Variants in ARID1B observed in about 807,000 individuals in gnomAD.
ARID1B encodes the protein AT-rich interactive domain-containing protein 1B.
A neutral mutation model predicts 212.3 loss-of-function variants in ARID1B; 30 were observed. The ratio of observed to expected loss-of-function variants is 0.14; its 90% confidence interval spans 0.11 to 0.19. The LOEUF (loss-of-function observed/expected upper bound fraction) is 0.19, where lower values mean the gene tolerates loss of function less well. Among genes scored for constraint, ARID1B ranks in the 10% least tolerant of loss-of-function variants. The pLI is 1.00. For missense variants in ARID1B, 2,891 were observed against 3,204.0 expected (o/e 0.90, Z 2.36); for synonymous variants, 1,402 against 1,301.7 (o/e 1.08, Z -1.66).
intron 4 of ARID1B, among the ~76,000 whole-genome samples, chr6:157,029,249 A>G (rs545730969): frequency 6.6e-6 from 1 of 152,240 alleles, no homozygotes; most frequent in Non-Finnish European, 1.5e-5. Flanking sequence ...TGTATCACCA[A>G]CCACACATAT....
chr6:156,808,657 A>G (rs915570931), intron 1 of ARID1B, among the ~76,000 whole-genome samples: 4 of 152,244 alleles, frequency 2.6e-5, no homozygotes, highest in Non-Finnish European at 5.9e-5. Flanking sequence ...TCTATAAAGA[A>G]GTCTTTTTCT....
At chr6:157,086,545 A>T (rs943713652) in intron 5 of ARID1B, among the ~76,000 whole-genome samples, 1 of 152,228 alleles carries the variant, frequency 6.6e-6, no homozygotes, top group Non-Finnish European at 1.5e-5. Context: ...CTAAAAACCT[A>T]AATGAAAACT....
At chr6:157,004,697 G>A (rs1230378091) in intron 4 of ARID1B, among the ~76,000 whole-genome samples, 3 of 152,052 alleles carry the variant, frequency 2.0e-5, no homozygotes, top group Admixed American at 1.3e-4. Flanking sequence ...CACCACTTGC[G>A]CTTCCCTTGA....
chr6:156,945,236 T>C (rs1244046739), intron 4 of ARID1B, among the ~76,000 whole-genome samples: 1 of 55,678 alleles, frequency 1.8e-5, no homozygotes. Context: ...CATCCGGCTT[T>C]TTTTTTTTTT....
chr6:156,897,258 C>CTTATTATTATTATTATTATTATTATTA (rs1181438273), intron 2 of ARID1B, among the ~76,000 whole-genome samples: 26 of 87,136 alleles, frequency 3.0e-4, no homozygotes, highest in Non-Finnish European at 5.5e-4. Flanking sequence ...TCTTCTTCTT[C>CTTATTATTATTATTATTATTATTATTA]TTCTTCTTAT....
intron 7 of ARID1B, among the ~76,000 whole-genome samples, chr6:157,138,200 T>TTTGGTTGGTTGG (rs147835417): frequency 0.067 from 9,988 of 149,032 alleles, 549 homozygotes; most frequent in African/African-American, 0.15. Flanking sequence ...AACCTCCATC[T>TTTGGTTGGTTGG]TTGGTTGGTT....
chr6:156,806,327 G>A (rs976051561), intron 1 of ARID1B, among the ~76,000 whole-genome samples: 3 of 152,178 alleles, frequency 2.0e-5, no homozygotes, highest in Admixed American at 1.3e-4. Context: ...ATGCCTTACC[G>A]TGCCACTGAG....
intron 4 of ARID1B, among the ~76,000 whole-genome samples, chr6:157,021,030 C>G (rs554361733): frequency 6.6e-6 from 1 of 152,122 alleles, no homozygotes; most frequent in African/African-American, 2.4e-5. Flanking sequence ...AATCTCCCGC[C>G]CACCCGTCCC....
intron 4 of ARID1B, among the ~76,000 whole-genome samples, chr6:156,945,309 G>A (rs1285402573): frequency 7.7e-6 from 1 of 130,574 alleles, no homozygotes; most frequent in Non-Finnish European, 1.6e-5. Flanking sequence ...TGGGTAGAGT[G>A]GTGTGTTACA....
At chr6:157,136,074 G>A (rs1788886518) in intron 7 of ARID1B, among the ~76,000 whole-genome samples, 1 of 152,096 alleles carries the variant, frequency 6.6e-6, no homozygotes, top group Non-Finnish European at 1.5e-5. Context: ...ATGTTACTAT[G>A]TCCTGGGTCC....
At chr6:156,893,018 A>G (rs2128190952) in intron 2 of ARID1B, among the ~76,000 whole-genome samples, 1 of 148,238 alleles carries the variant, frequency 6.7e-6, no homozygotes, top group East Asian at 1.9e-4. Flanking sequence ...ACAAAGCTAT[A>G]AAACTCTTTT....
At chr6:157,171,345 C>T (rs1048551819) in intron 9 of ARID1B, among the ~76,000 whole-genome samples, 3 of 152,180 alleles carry the variant, frequency 2.0e-5, no homozygotes, top group African/African-American at 7.2e-5. Context: ...CTGGATTACT[C>T]GTGTCAATAG....
At chr6:157,033,633 G>A (rs1352369592) in intron 4 of ARID1B, among the ~76,000 whole-genome samples, 2 of 152,190 alleles carry the variant, frequency 1.3e-5, no homozygotes, top group Non-Finnish European at 2.9e-5. Flanking sequence ...GTGGAGGTGG[G>A]CCGTAGGGTA....
At chr6:157,064,662 G>A (rs536662423) in intron 4 of ARID1B, among the ~76,000 whole-genome samples, 4 of 152,188 alleles carry the variant, frequency 2.6e-5, no homozygotes, top group South Asian at 4.1e-4. Flanking sequence ...TGCACCTGAC[G>A]AGTGTCATGC....
intron 1 of ARID1B, among the ~76,000 whole-genome samples, chr6:156,805,276 T>C (rs1052594878): frequency 6.6e-6 from 1 of 152,180 alleles, no homozygotes; most frequent in African/African-American, 2.4e-5. Flanking sequence ...CAGCCTGCTG[T>C]GCTGGATGTG....
intron 2 of ARID1B, among the ~76,000 whole-genome samples, chr6:156,875,033 T>A (rs1187979158): frequency 6.6e-6 from 1 of 152,244 alleles, no homozygotes; most frequent in Admixed American, 6.5e-5. Context: ...ATATAGGATC[T>A]ACTTTTACTT....
At chr6:156,854,818 G>A (rs1285259500) in intron 2 of ARID1B, among the ~76,000 whole-genome samples, 1 of 152,228 alleles carries the variant, frequency 6.6e-6, no homozygotes, top group Non-Finnish European at 1.5e-5. Flanking sequence ...TTGCAAAAAT[G>A]TTACAGCACA....
At chr6:157,154,574 TTTTTTG>T (rs1790431623) in intron 8 of ARID1B, among the ~76,000 whole-genome samples, 1 of 144,588 alleles carries the variant, frequency 6.9e-6, no homozygotes. Flanking sequence ...TTCTGTTTTT[TTTTTTG>T]TTTTTTTTTT....
chr6:156,891,175 G>A (rs1253535933), intron 2 of ARID1B, among the ~76,000 whole-genome samples: 1 of 152,200 alleles, frequency 6.6e-6, no homozygotes, highest in Admixed American at 6.5e-5. Flanking sequence ...ATTTCTTGCT[G>A]TGGGGAATTT....
Sources: gnomAD v4.1 joint callset for allele counts (sites outside exome capture counted in the v4.1 genomes callset) on GRCh38, gnomAD v4.1.1 for gene constraint, MANE v1.5 for transcripts, NCBI Gene and HGNC (gene_info 2026-07-23, HGNC 2026-07-21) for gene names.